The following MB21D2 variants were observed in gnomAD, a reference collection of about 807,000 sequenced individuals.
The protein encoded by MB21D2 is nucleotidyltransferase MB21D2.
Under a neutral mutation model 33.3 loss-of-function variants are expected in MB21D2, and 9 were observed. That is an observed-to-expected ratio of 0.27 (90% CI 0.16 to 0.47). The LOEUF (loss-of-function observed/expected upper bound fraction) is 0.47, where lower values mean the gene tolerates loss of function less well. Ranked by LOEUF, MB21D2 falls within the 20% of genes least tolerant of loss-of-function variation. The probability of loss-of-function intolerance (pLI) is 0.99; values close to 1 mark genes in which losing one functional copy is unlikely to be tolerated. For missense variants in MB21D2, 540 were observed against 624.6 expected (o/e 0.86, Z 1.44); for synonymous variants, 241 against 236.3 (o/e 1.02, Z -0.18).
rs1720582150 is a variant in MB21D2 at position 192,798,832 on chromosome 3, G to GC, written c.1029_1030insG (p.Pro344AlafsTer21). 1.2e-6 allele frequency: 2 copies of GC among 1,611,974 alleles called. No individual in the cohort carries two copies. Among genetic ancestry groups the GC allele is most frequent in the Non-Finnish European group, 1.7e-6 (2 of 1,179,476 alleles). On this transcript the variant is annotated frameshift_variant, in exon 2 of 2. Coordinates refer to ENST00000392452, the MANE Select transcript of MB21D2 (RefSeq NM_178496.4). LOFTEE classifies it high-confidence loss of function. This position sits in a 1 kb window ranked among gnomAD's most constrained non-coding sequence, Gnocchi z 4.8. ...TCTTCTTGAGCCAAGTAGTTGGCAG[G>GC]AAGTCTGTCGCAGGCCCAGAGCATC...
intron 1 of MB21D2, among the ~76,000 whole-genome samples, chr3:192,898,197 A>G (rs1714019291): frequency 6.7e-6 from 1 of 149,050 alleles, no homozygotes; most frequent in Admixed American, 6.8e-5. Flanking sequence ...CAGCAAAAAT[A>G]CAACCAAAAA....
chr3:192,864,949 G>T (rs1713139379), intron 1 of MB21D2, among the ~76,000 whole-genome samples: 1 of 152,120 alleles, frequency 6.6e-6, no homozygotes, highest in Non-Finnish European at 1.5e-5. Flanking sequence ...CAGTTTCAAT[G>T]GGAATATTAA....
chr3:192,862,586 C>A (rs979159260), intron 1 of MB21D2, among the ~76,000 whole-genome samples: 2 of 152,072 alleles, frequency 1.3e-5, no homozygotes, highest in African/African-American at 2.4e-5. Context: ...TTGTGTCCTG[C>A]AAAACAGGTA....
intron 1 of MB21D2, among the ~76,000 whole-genome samples, chr3:192,805,890 A>G (rs1711650875): frequency 6.6e-6 from 1 of 152,246 alleles, no homozygotes; most frequent in Non-Finnish European, 1.5e-5. Context: ...AAATAAACAC[A>G]GATTCCACGG....
chr3:192,836,668 C>A (rs977473311), intron 1 of MB21D2, among the ~76,000 whole-genome samples: 16 of 152,168 alleles, frequency 1.1e-4, no homozygotes, highest in African/African-American at 3.6e-4. Context: ...AGACTTCCAG[C>A]CTCCAGAACT....
chr3:192,900,561 TTC>T (rs1714075008), intron 1 of MB21D2, among the ~76,000 whole-genome samples: 1 of 152,226 alleles, frequency 6.6e-6, no homozygotes, highest in South Asian at 2.1e-4. Flanking sequence ...TCTGTAAAGC[TTC>T]TTTTTTTTTT....
rs1020560286 is a variant in MB21D2 at position 192,835,497 on chromosome 3, C to T, written c.212-35847G>A. Among the ~76,000 whole-genome samples, 20 of 145,564 alleles carry T rather than the reference C, an allele frequency of 1.4e-4. No homozygotes were observed. The Admixed American group carries it at 1.4e-3, about 10-fold the overall frequency. ...AAAAAGTCTTAAAAACATACAAGCA[C>T]ATTTGCAAATTTTATTCCACTTAAT... is the stretch of plus-strand genomic sequence containing the variant. On this transcript the variant is annotated intron_variant, in intron 1 of 1. Coordinates refer to ENST00000392452, the MANE Select transcript of MB21D2 (RefSeq NM_178496.4).
chr3:192,807,530 G>A (rs1034967767), intron 1 of MB21D2, among the ~76,000 whole-genome samples: 2 of 151,974 alleles, frequency 1.3e-5, no homozygotes, highest in Non-Finnish European at 2.9e-5. Context: ...AGCTGGGTCC[G>A]GTTTCCATTC....
intron 1 of MB21D2, among the ~76,000 whole-genome samples, chr3:192,871,073 C>G (rs578181960): frequency 6.6e-6 from 1 of 152,278 alleles, no homozygotes; most frequent in Admixed American, 6.5e-5. Context: ...AAAAGGCCAT[C>G]AATGGGGATC....
intron 1 of MB21D2, among the ~76,000 whole-genome samples, chr3:192,826,872 C>T (rs1712183438): frequency 1.3e-5 from 2 of 151,756 alleles, no homozygotes; most frequent in Non-Finnish European, 2.9e-5. Flanking sequence ...CCAATTTTGG[C>T]TTCAATTGTT....
At chr3:192,801,493 A>G (rs963873218) in intron 1 of MB21D2, among the ~76,000 whole-genome samples, 1 of 152,176 alleles carries the variant, frequency 6.6e-6, no homozygotes, top group Non-Finnish European at 1.5e-5. Flanking sequence ...CCCAACTTTC[A>G]ATGTGATAGT....
chr3:192,904,719 C>T (rs1714170204), intron 1 of MB21D2, among the ~76,000 whole-genome samples: 1 of 152,208 alleles, frequency 6.6e-6, no homozygotes, highest in South Asian at 2.1e-4. Context: ...AGTGGAAGAA[C>T]AACGGGCAGG....
intron 1 of MB21D2, among the ~76,000 whole-genome samples, chr3:192,900,147 C>G (rs13073642): frequency 0.51 from 77,348 of 150,812 alleles, 19,883 homozygotes; most frequent in South Asian, 0.53. Flanking sequence ...AGCCAGGCGT[C>G]GTGGCGGGCG....
chr3:192,827,516 C>G (rs932414748), intron 1 of MB21D2, among the ~76,000 whole-genome samples: 2 of 152,100 alleles, frequency 1.3e-5, no homozygotes, highest in African/African-American at 4.8e-5. Flanking sequence ...CTCTACGTCC[C>G]AGCTTCTTAT....
intron 1 of MB21D2, among the ~76,000 whole-genome samples, chr3:192,870,681 A>T (rs1255095534): frequency 1.6e-5 from 2 of 123,534 alleles, no homozygotes; most frequent in African/African-American, 6.8e-5. Context: ...ACTGCACTCC[A>T]GCCTGGGCGA....
intron 1 of MB21D2, among the ~76,000 whole-genome samples, chr3:192,844,647 C>T (rs551123529): frequency 6.6e-6 from 1 of 152,264 alleles, no homozygotes; most frequent in East Asian, 1.9e-4. Context: ...TAGATGGAGC[C>T]CTGGGACACC....
intron 1 of MB21D2, among the ~76,000 whole-genome samples, chr3:192,802,759 A>G (rs1001967798): frequency 6.6e-6 from 1 of 152,228 alleles, no homozygotes; most frequent in Non-Finnish European, 1.5e-5. Flanking sequence ...TCAGTGAGAT[A>G]TATTTGATAA....
At chr3:192,864,501 G>A (rs1010946994) in intron 1 of MB21D2, among the ~76,000 whole-genome samples, 8 of 152,162 alleles carry the variant, frequency 5.3e-5, no homozygotes, top group South Asian at 2.1e-4. Context: ...GTGAACCACC[G>A]TGCTTTTTGT....
intron 1 of MB21D2, among the ~76,000 whole-genome samples, chr3:192,837,318 A>G (rs1042744527): frequency 5.3e-5 from 8 of 152,168 alleles, no homozygotes; most frequent in Non-Finnish European, 1.2e-4. Flanking sequence ...GCCTATTGTT[A>G]AGAGTAAAAG....
Sources: gnomAD v4.1 joint callset for allele counts (sites outside exome capture counted in the v4.1 genomes callset) on GRCh38, gnomAD v4.1.1 for gene constraint, Gnocchi (gnomAD v3.1) non-coding constraint, MANE v1.5 for transcripts, NCBI Gene and HGNC (gene_info 2026-07-23, HGNC 2026-07-21) for gene names.